The following ITGA5 variants were observed in gnomAD, a reference collection of about 807,000 sequenced individuals.
ITGA5 encodes the protein integrin alpha-5.
In ITGA5, 55 loss-of-function variants were observed where a neutral mutation model predicts 146.3. The ratio of observed to expected loss-of-function variants is 0.38; its 90% CI spans 0.30 to 0.47. The LOEUF (loss-of-function observed/expected upper bound fraction) is 0.47, where lower values mean the gene tolerates loss of function less well. Among genes scored for constraint, ITGA5 ranks in the 20% least tolerant of loss-of-function variants. The pLI, the probability that ITGA5 is intolerant of heterozygous loss-of-function variation, is 0.99. For synonymous variants in ITGA5, 500 were observed against 531.8 expected, an observed-to-expected ratio of 0.94 and a Z score of 0.82; for missense variants, 1,131 against 1,329.0, an observed-to-expected ratio of 0.85 and a Z score of 2.32.
At position 54,408,746 on chromosome 12, in the gene ITGA5, C is replaced by T. The variant is rs1323216371; in HGVS notation, c.691+10G>A. Reference sequence around the variant, plus strand: ...AAAAAAAAAAAAAGAATGGCAGAGACAGGACTTACCTTGCCAGAAATAGCT... The same window carrying T: ...AAAAAAAAAAAAAGAATGGCAGAGATAGGACTTACCTTGCCAGAAATAGCT... On this transcript the variant is annotated intron_variant, in intron 6 of 29. Transcript: ENST00000293379. 4.9e-6 allele frequency: 7 copies of T among 1,438,914 alleles called. No individual in the cohort carries two copies. The highest frequency in any genetic ancestry group is 1.4e-5 in the African/African-American group (1 of 70,400). The allele number at this position is 1,438,914 out of a possible 1,614,324, so 89.1% of individuals were successfully genotyped here.
chr12:54,418,815 A>C (rs1224481153), intron 1 of ITGA5, among the ~76,000 whole-genome samples, 166 bp downstream of exon 1: 4 of 149,266 alleles, frequency 2.7e-5, no homozygotes, highest in African/African-American at 9.9e-5. Flanking sequence ...TGCCCTCCCT[A>C]CTCCAGCGCG....
rs1364527383 is a variant in ITGA5 at position 54,404,171 on chromosome 12, G to T, written c.1539C>A (p.Cys513Ter). The T allele has an allele frequency of 6.3e-7, 1 of 1,595,544 alleles. No individual in the cohort carries two copies. Among genetic ancestry groups the T allele is most frequent in the East Asian group, 2.2e-5 (1 of 44,796 alleles). ...AGGCCACAGGGTTCCCCTCTAAGCT[G>T]CAGCTCCGCTCCTCTGGGTTGAACA... Reference protein sequence around the residue: ...PAMFNPEERSCSLEGNPVACI... With the variant: ...PAMFNPEERS Residue 513 changes from cysteine to a stop codon, truncating the protein, a stop_gained, in exon 15 of 30, where the codon TGC (cysteine) becomes TGA (stop). Coordinates refer to ENST00000293379, the MANE Select transcript of ITGA5 (RefSeq NM_002205.5). LOFTEE classifies it high-confidence loss of function.
At position 54,401,957 on chromosome 12, in the gene ITGA5, G is replaced by T. The variant is rs756608219; in HGVS notation, c.2226+44C>A. On this transcript the variant is annotated intron_variant, in intron 21 of 29. Transcript: ENST00000293379. This position sits in a 1 kb window ranked among gnomAD's most constrained non-coding sequence, Gnocchi z 5.0. The stretch of plus-strand genomic sequence containing the variant: ...CTCGGCTGGCTGGTTACCGCCCTCA[G>T]GTCTGCTCTCCCTCTGTCCCATCCT... The T allele has an allele frequency of 4.4e-6, 7 of 1,606,092 alleles. No individual in the cohort carries two copies. Among genetic ancestry groups the T allele is most frequent in the Middle Eastern group, 1.7e-4 (1 of 5,980 alleles).
At position 54,403,945 on chromosome 12, in the gene ITGA5, G is replaced by A. The variant is rs1481886346; in HGVS notation, c.1587C>T (p.Leu529=). 6.2e-7 allele frequency: 1 copy of A among 1,614,208 alleles called. No homozygotes were observed. The highest frequency in any genetic ancestry group is 8.5e-7 in the Non-Finnish European group (1 of 1,180,044). Residue 529 remains leucine (L), a synonymous_variant, in exon 16 of 30, where the codon CTC becomes CTT. Coordinates refer to ENST00000293379, the MANE Select transcript of ITGA5 (RefSeq NM_002205.5). This position sits in a 1 kb window ranked among gnomAD's most constrained non-coding sequence, Gnocchi z 4.9. The stretch of plus-strand genomic sequence containing the variant: ...CAGCAACGTGTTTTCCAGAAGCATT[G>A]AGGCAGAAGCTAAGGTTGATGCTGG... The part of the protein sequence containing the change: ...PVACINLSFC[L]NASGKHVADS...
intron 1 of ITGA5, among the ~76,000 whole-genome samples, chr12:54,413,724 G>T (rs1955974818): frequency 6.6e-6 from 1 of 152,206 alleles, no homozygotes; most frequent in South Asian, 2.1e-4. Context: ...CCACCAACCT[G>T]AACTAGACCA....
At chr12:54,405,020 A>T (rs1215441565) in intron 12 of ITGA5, 126 bp from the exon 13 acceptor site, 1 of 1,195,570 alleles carries the variant, frequency 8.4e-7, no homozygotes, top group Non-Finnish European at 1.2e-6. Context: ...TCTAATCTTC[A>T]AATCCCAAGA....
chr12:54,402,924 G>A (rs944463966), intron 19 of ITGA5, 59 bp downstream of exon 19: 1 of 1,452,228 alleles, frequency 6.9e-7, no homozygotes, highest in African/African-American at 1.4e-5. Flanking sequence ...GTCCCTAGCT[G>A]ATTTTTTCAG....
At chr12:54,397,154 T>A (rs1228057837) in intron 29 of ITGA5, 1 of 447,380 alleles carries the variant, frequency 2.2e-6, no homozygotes, top group African/African-American at 2.0e-5. Context: ...AAACTTATCA[T>A]CTTGAGTCAA....
Position 54,405,913 on chromosome 12 carries a change from T to C in ITGA5, c.920A>G (p.Asn307Ser). 1 of 1,614,006 alleles carries C rather than the reference T, an allele frequency of 6.2e-7. No individual in the cohort carries two copies. Among genetic ancestry groups the C allele is most frequent in the Non-Finnish European group, 8.5e-7 (1 of 1,179,894 alleles). Residue 307 changes from asparagine to serine, a missense_variant, in exon 10 of 30, where the codon AAT (asparagine) becomes AGT (serine). By Grantham distance (46) the Asn-to-Ser change is conservative. Transcript: ENST00000293379. ...NLTYGYVTIL[N>S]GSDIRSLYNF... Reference sequence around the variant, plus strand: ...GTAGAGGGATCGAATGTCTGAGCCATTAAGGATGGTGACCTGGGAGATGAA... The same window carrying C: ...GTAGAGGGATCGAATGTCTGAGCCACTAAGGATGGTGACCTGGGAGATGAA...
chr12:54,409,341 T>C lies in ITGA5; in HGVS notation c.474A>G (p.Pro158=). The change falls in exon 4 of 30, where the codon CCA becomes CCG. Residue 158 remains proline (P), a synonymous_variant. Coordinates refer to ENST00000293379, the MANE Select transcript of ITGA5 (RefSeq NM_002205.5). This position sits in a 1 kb window ranked among gnomAD's most constrained non-coding sequence, Gnocchi z 4.7. Reference sequence around the variant, plus strand: ...CCTTCTCTGTGCGCCAGCTGTACAGTGGAGCGCATGCCTGGGAGGGCCCAG... The same window carrying C: ...CCTTCTCTGTGCGCCAGCTGTACAGCGGAGCGCATGCCTGGGAGGGCCCAG... ...AHGSSILACA[P]LYSWRTEKEP... 6.2e-7 allele frequency: 1 copy of C among 1,612,874 alleles called. No individual in the cohort carries two copies. The highest frequency in any genetic ancestry group is 1.7e-5 in the Admixed American group (1 of 59,848).
At chr12:54,418,370 C>T (rs1303432586) in intron 1 of ITGA5, among the ~76,000 whole-genome samples, 10 of 151,910 alleles carry the variant, frequency 6.6e-5, no homozygotes, top group Non-Finnish European at 1.3e-4. Context: ...GAGTAGGAGA[C>T]AGAGGAGAAA....
chr12:54,417,521 C>T (rs1410664802), intron 1 of ITGA5, among the ~76,000 whole-genome samples: 1 of 151,716 alleles, frequency 6.6e-6, no homozygotes, highest in Non-Finnish European at 1.5e-5. Flanking sequence ...TAGCCCAGAA[C>T]AACAGTCGGG....
intron 13 of ITGA5, 70 bp downstream of exon 13, chr12:54,404,633 T>G (rs1955836736): frequency 6.6e-7 from 1 of 1,514,944 alleles, no homozygotes; most frequent in Non-Finnish European, 9.2e-7. Context: ...TAAGGAAAGG[T>G]GCAGAAGAGA....
Position 54,396,388 on chromosome 12 carries a change from G to A in ITGA5, c.3067-12C>T. ...TTGAAGAATCCAAGCTGATAAAGGG[G>A]AAAAGAGGGAGAGTTTAGGTACTAT... On this transcript the variant is annotated splice_polypyrimidine_tract_variant and intron_variant, in intron 29 of 29. Coordinates refer to ENST00000293379, the MANE Select transcript of ITGA5 (RefSeq NM_002205.5). 2 of 1,605,256 alleles carry A rather than the reference G, an allele frequency of 1.2e-6. No individual in the cohort carries two copies. The highest frequency in any genetic ancestry group is 1.7e-5 in the Admixed American group (1 of 59,978).
chr12:54,407,044 T>C (rs1254206403), intron 9 of ITGA5, among the ~76,000 whole-genome samples: 1 of 152,256 alleles, frequency 6.6e-6, no homozygotes, highest in East Asian at 1.9e-4. Flanking sequence ...AAAATACAGA[T>C]GATAATATCT....
rs769209056 is a variant in ITGA5 at position 54,408,149 on chromosome 12, T to C, written c.778A>G (p.Thr260Ala). ...LINLVQGQLQ[T>A]RQASSIYDDS... ...TCATAGATGGAACTGGCCTGGCGAG[T>C]CTGCAGCTGCCCCTGAACCAGGTTG... Residue 260 changes from threonine to alanine, a missense_variant, in exon 7 of 30, where the codon ACT becomes GCT. Thr to Ala is a moderately conservative substitution (Grantham distance 58). Transcript: ENST00000293379. 2 of 1,614,020 alleles carry C rather than the reference T, an allele frequency of 1.2e-6. No individual in the cohort carries two copies. Among genetic ancestry groups the C allele is most frequent in the South Asian group, 1.1e-5 (1 of 91,080 alleles).
chr12:54,404,134 C>T lies in ITGA5; in HGVS notation c.1565+11G>A. 1 of 1,574,942 alleles carries T rather than the reference C, an allele frequency of 6.3e-7. No individual in the cohort carries two copies. The highest frequency in any genetic ancestry group is 8.6e-7 in the Non-Finnish European group (1 of 1,159,512). The stretch of plus-strand genomic sequence containing the variant: ...GCTCAGGTCTCTGCAATTTCCTGGG[C>T]ACCAGCTCACCAGGCCACAGGGTTC... On this transcript the variant is annotated intron_variant, in intron 15 of 29. Coordinates refer to ENST00000293379, the MANE Select transcript of ITGA5 (RefSeq NM_002205.5).
intron 1 of ITGA5, among the ~76,000 whole-genome samples, chr12:54,418,203 AC>A (rs1291071736): frequency 6.9e-6 from 1 of 144,668 alleles, no homozygotes; most frequent in South Asian, 2.3e-4. Flanking sequence ...GAAACCGCCC[AC>A]CCCCCTTCAC....
At position 54,409,803 on chromosome 12, in the gene ITGA5, TAC is replaced by T; in HGVS notation, c.350-208_350-207del. 3.6e-6 allele frequency: 2 copies of T among 553,926 alleles called. No individual in the cohort carries two copies. Among genetic ancestry groups the T allele is most frequent in the Non-Finnish European group, 6.5e-6 (2 of 308,048 alleles). The allele number at this position is 553,926 out of a possible 1,614,324, so 34.3% of individuals were successfully genotyped here. On this transcript the variant is annotated intron_variant, in intron 2 of 29. Coordinates refer to ENST00000293379, the MANE Select transcript of ITGA5 (RefSeq NM_002205.5). This position sits in a 1 kb window ranked among gnomAD's most constrained non-coding sequence, Gnocchi z 4.7. ...CTGACTTATCTCTCCACTACACACA[TAC>T]ACATACACACACACACATACATACA...
Sources: allele counts gnomAD v4.1 joint callset (sites outside exome capture counted in the v4.1 genomes callset), GRCh38; gene constraint gnomAD v4.1.1; non-coding constraint Gnocchi (gnomAD v3.1); transcripts MANE v1.5; gene names NCBI Gene and HGNC (gene_info 2026-07-23, HGNC 2026-07-21).